The following UPP2 variants were observed in gnomAD, a reference collection of about 807,000 sequenced individuals.
UPP2 encodes the protein UPase 2.
A neutral mutation model predicts 26.7 loss-of-function variants in UPP2; 23 were observed. The observed-to-expected ratio is 0.86, with a 90% confidence interval of 0.62 to 1.22. The LOEUF (loss-of-function observed/expected upper bound fraction) is 1.22, where lower values mean the gene tolerates loss of function less well. UPP2 is among the 50% of genes most tolerant of loss of function. The pLI is 0.00. For missense variants in UPP2, 387 were observed against 396.7 expected (o/e 0.98, Z 0.21); for synonymous variants, 127 against 141.3 (o/e 0.90, Z 0.72).
intron 3 of UPP2, among the ~76,000 whole-genome samples, chr2:158,085,635 G>T (rs1206631368): frequency 6.6e-6 from 1 of 152,060 alleles, no homozygotes; most frequent in African/African-American, 2.4e-5. Flanking sequence ...GTTGGCTGTG[G>T]GTTTGTCATA....
At chr2:158,052,668 A>G (rs1682178917) in intron 3 of UPP2, among the ~76,000 whole-genome samples, 1 of 152,204 alleles carries the variant, frequency 6.6e-6, no homozygotes, top group African/African-American at 2.4e-5. Flanking sequence ...TGTAGAATAG[A>G]ATTAATATTA....
intron 3 of UPP2, among the ~76,000 whole-genome samples, chr2:158,021,090 C>T (rs569463828): frequency 1.3e-5 from 2 of 152,158 alleles, no homozygotes; most frequent in South Asian, 4.2e-4. Flanking sequence ...CAAGATGACG[C>T]TTTTAAATAA....
At position 158,115,206 on chromosome 2, in the gene UPP2, G is replaced by T; in HGVS notation, c.286G>T (p.Ala96Ser). Residue 96 changes from alanine to serine, a missense_variant, in exon 3 of 7, where the codon GCT becomes TCT. By Grantham distance (99) the Ala-to-Ser change is moderately conservative. Coordinates refer to ENST00000005756, the MANE Select transcript of UPP2 (RefSeq NM_173355.4). ...TGAAGAAGACATAAAAGACATCTGTGCTGGGACAGACAGATACTGTATGTA... is the reference window on the plus strand; with the variant it reads ...TGAAGAAGACATAAAAGACATCTGTTCTGGGACAGACAGATACTGTATGTA... ...EAEEDIKDICAGTDRYCMYKT... is the reference protein window; with the variant it reads ...EAEEDIKDICSGTDRYCMYKT... 1 of 1,613,706 alleles carries T rather than the reference G, an allele frequency of 6.2e-7. No homozygotes were observed. The highest frequency in any genetic ancestry group is 8.5e-7 in the Non-Finnish European group (1 of 1,179,830).
chr2:158,100,938 T>C (rs535372923), upstream of UPP2, among the ~76,000 whole-genome samples: 7 of 152,218 alleles, frequency 4.6e-5, no homozygotes, highest in Non-Finnish European at 1.0e-4. Context: ...AGAATGACTG[T>C]CACCAGGAAG....
intron 3 of UPP2, among the ~76,000 whole-genome samples, chr2:158,096,681 C>T (rs2105206432): frequency 6.6e-6 from 1 of 152,194 alleles, no homozygotes; most frequent in East Asian, 1.9e-4. Context: ...TGTCATATAA[C>T]AGATCACTAT....
intron 1 of UPP2, among the ~76,000 whole-genome samples, chr2:158,103,231 T>C (rs569348094): frequency 8.5e-5 from 13 of 152,322 alleles, no homozygotes; most frequent in South Asian, 2.1e-4. Flanking sequence ...GAAACTTCTA[T>C]AGACAGTCCC....
intron 3 of UPP2, among the ~76,000 whole-genome samples, chr2:158,038,208 T>G (rs941332925): frequency 9.9e-5 from 15 of 152,250 alleles, no homozygotes; most frequent in Non-Finnish European, 5.9e-5. Context: ...TGTATTTTAT[T>G]CAGGTGGCTT....
intron 3 of UPP2, among the ~76,000 whole-genome samples, chr2:158,032,688 G>A (rs541089446): frequency 6.6e-6 from 1 of 152,244 alleles, no homozygotes; most frequent in Non-Finnish European, 1.5e-5. Context: ...AACACAGTAT[G>A]TCTGGGACAG....
At chr2:158,076,253 T>C (rs1080177) in intron 3 of UPP2, among the ~76,000 whole-genome samples, 107,312 of 151,884 alleles carry the variant, frequency 0.71, 38,324 homozygotes, top group African/African-American at 0.77. Flanking sequence ...TAAAGAAGAA[T>C]TAATACCAAC....
intron 3 of UPP2, among the ~76,000 whole-genome samples, chr2:158,036,880 C>T (rs567962484): frequency 2.0e-5 from 3 of 152,280 alleles, no homozygotes; most frequent in Non-Finnish European, 2.9e-5. Flanking sequence ...GTACCAGACA[C>T]ACAGACACGG....
intron 3 of UPP2, among the ~76,000 whole-genome samples, chr2:158,081,554 T>A (rs1382959824): frequency 2.6e-5 from 4 of 152,140 alleles, no homozygotes; most frequent in Non-Finnish European, 5.9e-5. Flanking sequence ...TAGCCAAGAT[T>A]TGGAAGCAAT....
chr2:158,081,753 T>TA (rs1360483545), intron 3 of UPP2, among the ~76,000 whole-genome samples: 2 of 151,828 alleles, frequency 1.3e-5, no homozygotes, highest in African/African-American at 2.4e-5. Context: ...AGCTAAAAAT[T>TA]AAAAAAATTG....
chr2:158,130,385 A>G (rs1335840997), intron 6 of UPP2, among the ~76,000 whole-genome samples: 2 of 149,962 alleles, frequency 1.3e-5, no homozygotes. Context: ...CAGGAGGCAG[A>G]GCTTGCAGTG....
At chr2:158,039,635 T>C (rs1365373485) in intron 3 of UPP2, among the ~76,000 whole-genome samples, 1 of 152,216 alleles carries the variant, frequency 6.6e-6, no homozygotes, top group Admixed American at 6.5e-5. Flanking sequence ...TTTTGATTCT[T>C]TCTACTCAAA....
intron 2 of UPP2, among the ~76,000 whole-genome samples, chr2:157,995,514 A>G (rs1274230717): frequency 2.6e-5 from 4 of 152,186 alleles, no homozygotes; most frequent in South Asian, 2.1e-4. Flanking sequence ...AAAACATGCT[A>G]TGTGAACAGC....
chr2:158,121,600 A>C lies in UPP2; in HGVS notation c.646A>C (p.Thr216Pro). 6.2e-7 allele frequency: 1 copy of C among 1,613,070 alleles called. No individual in the cohort carries two copies. Among genetic ancestry groups the C allele is most frequent in the Non-Finnish European group, 8.5e-7 (1 of 1,179,078 alleles). Residue 216 changes from threonine (T) to proline (P), a missense_variant, in exon 5 of 7, where the codon ACC becomes CCC. Coordinates refer to ENST00000005756, the MANE Select transcript of UPP2 (RefSeq NM_173355.4). ...FPTLVGHTMC[T>P]YDFYEGQGRL... ...AACCCTCGTTGGACATACAATGTGT[A>C]CCTATGATTTTTATGAAGGTGAGAA...
At chr2:158,070,023 A>G (rs903275454) in intron 3 of UPP2, among the ~76,000 whole-genome samples, 2 of 152,002 alleles carry the variant, frequency 1.3e-5, no homozygotes, top group African/African-American at 4.8e-5. Flanking sequence ...TCACCAAACA[A>G]GGTCTGGATC....
At chr2:158,125,478 G>T (rs1206537296) in intron 6 of UPP2, among the ~76,000 whole-genome samples, 1 of 151,070 alleles carries the variant, frequency 6.6e-6, no homozygotes, top group Middle Eastern at 3.4e-3. Flanking sequence ...GTGTAGTGGC[G>T]CAATCTCGGC....
intron 2 of UPP2, among the ~76,000 whole-genome samples, chr2:158,106,421 A>C (rs1190928554): frequency 1.2e-4 from 19 of 152,212 alleles, no homozygotes; most frequent in Admixed American, 1.2e-3. Flanking sequence ...CCCAAACTAA[A>C]TCTAATGCAA....
Sources: gnomAD v4.1 joint callset for allele counts (sites outside exome capture counted in the v4.1 genomes callset) on GRCh38, gnomAD v4.1.1 for gene constraint, MANE v1.5 for transcripts, NCBI Gene and HGNC (gene_info 2026-07-23, HGNC 2026-07-21) for gene names.